PHLPP1: variants seen among roughly 807,000 people sequenced by gnomAD.
The protein encoded by PHLPP1 is PH domain leucine-rich repeat-containing protein phosphatase 1.
In PHLPP1, 42 loss-of-function variants were observed where a neutral mutation model predicts 117.2. The observed-to-expected ratio is 0.36, with a 90% confidence interval of 0.28 to 0.46. PHLPP1 has a LOEUF of 0.46. PHLPP1 is among the 20% of genes least tolerant of loss of function. PHLPP1 has a pLI of 1.00. For synonymous variants in PHLPP1, 1,042 were observed against 970.7 expected, an observed-to-expected ratio of 1.07 and a Z score of -1.37; for missense variants, 2,084 against 2,241.9, an observed-to-expected ratio of 0.93 and a Z score of 1.42.
At chr18:62,901,404 A>G (rs1916722342) in intron 6 of PHLPP1, among the ~76,000 whole-genome samples, 1 of 152,212 alleles carries the variant, frequency 6.6e-6, no homozygotes, top group Middle Eastern at 3.2e-3. Context: ...AAAGAGCCAA[A>G]AAAACATCCT....
At chr18:62,815,129 C>T (rs1052914786) in intron 1 of PHLPP1, among the ~76,000 whole-genome samples, 4 of 149,622 alleles carry the variant, frequency 2.7e-5, no homozygotes, top group African/African-American at 9.8e-5. Context: ...TGGATTTGAC[C>T]GTGGCTGGAG....
At chr18:62,836,262 T>A (rs1316945436) in intron 2 of PHLPP1, among the ~76,000 whole-genome samples, 1 of 151,124 alleles carries the variant, frequency 6.6e-6, no homozygotes, top group Non-Finnish European at 1.5e-5. Flanking sequence ...GGTGAAACCC[T>A]GTCTTTACTA....
chr18:62,859,882 G>T (rs1029486144), intron 3 of PHLPP1, among the ~76,000 whole-genome samples: 1 of 152,120 alleles, frequency 6.6e-6, no homozygotes, highest in Non-Finnish European at 1.5e-5. Context: ...TCCAGGCAGG[G>T]ACATTTTCCT....
At chr18:62,956,649 C>G (rs1407491076) in intron 12 of PHLPP1, among the ~76,000 whole-genome samples, 1 of 151,958 alleles carries the variant, frequency 6.6e-6, no homozygotes, top group Non-Finnish European at 1.5e-5. Flanking sequence ...AATGCTAACC[C>G]TGGGTGTGTT....
At chr18:62,931,040 C>CA (rs1333146720) in intron 10 of PHLPP1, among the ~76,000 whole-genome samples, 4 of 151,668 alleles carry the variant, frequency 2.6e-5, no homozygotes, top group East Asian at 1.9e-4. Flanking sequence ...AAAGAAAATA[C>CA]AAAAAAATTA....
chr18:62,947,982 G>T lies in PHLPP1; in HGVS notation c.3324+2711G>T, dbSNP rs543791464. Among the ~76,000 whole-genome samples the T allele has an allele frequency of 2.0e-5, 3 of 151,416 alleles. No individual in the cohort carries two copies. In the South Asian group the frequency reaches 6.3e-4, roughly 32 times the overall value. On this transcript the variant is annotated intron_variant, in intron 12 of 16. Coordinates refer to ENST00000262719, the MANE Select transcript of PHLPP1 (RefSeq NM_194449.4). ...AGAGGTTGCAGTGAGCCGAGATTGC[G>T]CCACTGCACTCCAGCCTGGGCAACA...
chr18:62,716,250 G>T lies in PHLPP1; in HGVS notation c.567G>T (p.Pro189=). 2 of 1,530,052 alleles carry T rather than the reference G, an allele frequency of 1.3e-6. No individual in the cohort carries two copies. The highest frequency in any genetic ancestry group is 1.7e-6 in the Non-Finnish European group (2 of 1,144,624). 94.8% of individuals were successfully genotyped at this position (1,530,052 alleles called of 1,614,324 possible). A position where few individuals can be genotyped will look rare whatever the true frequency, so the allele number is the denominator to read the frequency against. ...LKHRQTLQLQ[P]SDRDWVRHQL... ...ACCGGCAGACGCTGCAGCTGCAGCC[G>T]TCGGACCGGGACTGGGTGAGGCACC... Residue 189 remains proline, a synonymous_variant, in exon 1 of 17, where the codon CCG becomes CCT. Transcript: ENST00000262719. The surrounding 1 kb of genome is among the most constrained non-coding windows in gnomAD (Gnocchi z 5.7).
chr18:62,905,252 T>C lies in PHLPP1; in HGVS notation c.2676T>C (p.Val892=). 6.5e-7 allele frequency: 1 copy of C among 1,550,308 alleles called. No individual in the cohort carries two copies. Among genetic ancestry groups the C allele is most frequent in the Non-Finnish European group, 8.7e-7 (1 of 1,149,510 alleles). ...TTGTTCAACTTGATGTTTACCCAGT[T>C]CCAAATTATCTGTCCTACATGGATG... ...NELVQLDVYP[V]PNYLSYMDVS... Residue 892 remains valine, a synonymous_variant, in exon 8 of 17, where the codon GTT becomes GTC. Transcript: ENST00000262719.
chr18:62,722,156 G>A (rs761336562), intron 1 of PHLPP1, among the ~76,000 whole-genome samples: 11 of 152,140 alleles, frequency 7.2e-5, no homozygotes, highest in Admixed American at 5.9e-4. Flanking sequence ...TCTATTTCAC[G>A]TGAGTGAACT....
At chr18:62,806,091 A>G (rs533809011) in intron 1 of PHLPP1, among the ~76,000 whole-genome samples, 1 of 152,204 alleles carries the variant, frequency 6.6e-6, no homozygotes, top group African/African-American at 2.4e-5. Context: ...AAAGTGAAAC[A>G]AAACAAAAAC....
chr18:62,823,410 A>G (rs1160735364), intron 1 of PHLPP1, among the ~76,000 whole-genome samples: 1 of 151,940 alleles, frequency 6.6e-6, no homozygotes, highest in Non-Finnish European at 1.5e-5. Context: ...AAAAATAGAA[A>G]AAAACTAGCC....
intron 6 of PHLPP1, among the ~76,000 whole-genome samples, chr18:62,897,187 C>T (rs1916585432): frequency 6.6e-6 from 1 of 152,182 alleles, no homozygotes; most frequent in South Asian, 2.1e-4. Flanking sequence ...GAGATGATTT[C>T]TGAGTTACCT....
intron 1 of PHLPP1, among the ~76,000 whole-genome samples, chr18:62,786,518 A>G (rs1453696439): frequency 6.6e-6 from 1 of 152,232 alleles, no homozygotes; most frequent in African/African-American, 2.4e-5. Flanking sequence ...TCGCTGCCTT[A>G]TTTTCAAAGT....
At chr18:62,966,544 C>T (rs1318360240) in intron 14 of PHLPP1, among the ~76,000 whole-genome samples, 1 of 145,628 alleles carries the variant, frequency 6.9e-6, no homozygotes, top group Admixed American at 7.0e-5. Context: ...AGTCTGGGCT[C>T]GCTGCAAGCT....
chr18:62,966,464 A>AT (rs1910907173), intron 14 of PHLPP1, among the ~76,000 whole-genome samples: 1 of 141,550 alleles, frequency 7.1e-6, no homozygotes, highest in African/African-American at 2.7e-5. Flanking sequence ...CAGTTCTACA[A>AT]ATTTTTTTTT....
chr18:62,967,958 G>C (rs899349409), intron 14 of PHLPP1, among the ~76,000 whole-genome samples: 1 of 151,914 alleles, frequency 6.6e-6, no homozygotes, highest in Non-Finnish European at 1.5e-5. Flanking sequence ...CGAGTAGCTA[G>C]GATTTCAGGC....
chr18:62,970,245 C>T (rs552519716), intron 14 of PHLPP1, among the ~76,000 whole-genome samples: 1 of 152,268 alleles, frequency 6.6e-6, no homozygotes, highest in East Asian at 1.9e-4. Flanking sequence ...CTTCTCCTGT[C>T]CTGGCCTTTA....
intron 1 of PHLPP1, among the ~76,000 whole-genome samples, chr18:62,766,852 TCA>T (rs1233548037): frequency 6.6e-6 from 1 of 152,164 alleles, no homozygotes; most frequent in East Asian, 1.9e-4. Context: ...GAGTTACCAA[TCA>T]CTAACTCTTA....
At chr18:62,879,828 T>G (rs510415) in intron 4 of PHLPP1, among the ~76,000 whole-genome samples, 78,638 of 152,026 alleles carry the variant, frequency 0.52, 20,350 homozygotes, top group Non-Finnish European at 0.54. Context: ...CATTATAACA[T>G]TGCATGCTGA....
Sources: gnomAD v4.1 joint callset for allele counts (sites outside exome capture counted in the v4.1 genomes callset) on GRCh38, gnomAD v4.1.1 for gene constraint, Gnocchi (gnomAD v3.1) non-coding constraint, MANE v1.5 for transcripts, NCBI Gene and HGNC (gene_info 2026-07-23, HGNC 2026-07-21) for gene names.